DNHD1: variants seen among roughly 807,000 people sequenced by gnomAD.
DNHD1 encodes dynein heavy chain domain 1, also known as dynein heavy chain domain-containing protein 1.
A neutral mutation model predicts 458.1 loss-of-function variants in DNHD1; 383 were observed. The ratio of observed to expected loss-of-function variants is 0.84; its 90% CI spans 0.77 to 0.91. DNHD1 has a LOEUF of 0.91. Ranked by LOEUF, DNHD1 falls within the 40% of genes least tolerant of loss-of-function variation. DNHD1 has a pLI of 0.00. For missense variants in DNHD1, 5,336 were observed against 5,866.1 expected (o/e 0.91, Z 2.95); for synonymous variants, 2,203 against 2,376.9 (o/e 0.93, Z 2.13).
intron 41 of DNHD1, 73 bp downstream of exon 41, chr11:6,570,469 G>A: frequency 6.6e-7 from 1 of 1,512,596 alleles, no homozygotes; most frequent in Non-Finnish European, 8.9e-7. Flanking sequence ...CAGAAATGTG[G>A]ACAGCAGTCT....
At chr11:6,527,222 A>G (rs943239442) in intron 10 of DNHD1, among the ~76,000 whole-genome samples, 4 of 152,138 alleles carry the variant, frequency 2.6e-5, no homozygotes, top group African/African-American at 7.2e-5. Context: ...TTTTTCTTAT[A>G]TGGAGCAGAG....
chr11:6,571,863 GC>G lies in DNHD1; in HGVS notation c.14143del (p.Gly4716AlafsTer11), dbSNP rs768104019. ...ACTCGTGTCCTGTGTACATGGGAGG[GC>G]CCCTTGGCACCGCTAAGCTGCAGAG... The part of the protein sequence containing the change: ...VYSCPVYMGG[P>X]LGTAKLQSRN... On this transcript the variant is annotated frameshift_variant, in exon 43 of 43. Transcript: ENST00000254579. LOFTEE classifies it high-confidence loss of function. This position sits in a 1 kb window ranked among gnomAD's most constrained non-coding sequence, Gnocchi z 5.0. The G allele has an allele frequency of 1.2e-6, 2 of 1,614,012 alleles. No individual in the cohort carries two copies. Among genetic ancestry groups the G allele is most frequent in the Admixed American group, 3.3e-5 (2 of 60,022 alleles).
intron 16 of DNHD1, 51 bp from the exon 17 acceptor site, chr11:6,539,168 G>T: frequency 7.8e-7 from 1 of 1,276,110 alleles, no homozygotes; most frequent in Non-Finnish European, 1.1e-6. Flanking sequence ...GATATGGGTT[G>T]GACTCTGCCA....
chr11:6,513,315 G>T (rs886339614), intron 7 of DNHD1, among the ~76,000 whole-genome samples: 1 of 152,050 alleles, frequency 6.6e-6, no homozygotes, highest in Admixed American at 6.5e-5. Flanking sequence ...TGTATACCTG[G>T]ATCACGATAG....
At chr11:6,535,275 G>A (rs1288576755) in intron 14 of DNHD1, among the ~76,000 whole-genome samples, 1 of 152,136 alleles carries the variant, frequency 6.6e-6, no homozygotes, top group Non-Finnish European at 1.5e-5. Context: ...ACATGTATAC[G>A]CATGTAACTG....
At position 6,557,321 on chromosome 11, in the gene DNHD1, G is replaced by A. The variant is rs1853486437; in HGVS notation, c.8026G>A (p.Ala2676Thr). ...CTGTGCCAAGCTGCTCCTAGTAGTAGCTCAAAGTGTCTTCTGCTGTGGGCC... is the reference window on the plus strand; with the variant it reads ...CTGTGCCAAGCTGCTCCTAGTAGTAACTCAAAGTGTCTTCTGCTGTGGGCC... Reference protein sequence around the residue: ...SYCAKLLLVVAQSVFCCGPGP... With the variant: ...SYCAKLLLVVTQSVFCCGPGP... The change falls in exon 25 of 43, where the codon GCT (alanine) becomes ACT (threonine). Residue 2676 changes from alanine to threonine, a missense_variant. This residue lies in a region of DNHD1 where 3,932 missense variants were observed against 4,365.6 expected (regional missense o/e 0.90). Coordinates refer to ENST00000254579, the MANE Select transcript of DNHD1 (RefSeq NM_144666.3). 3 of 1,551,496 alleles carry A rather than the reference G, an allele frequency of 1.9e-6. No homozygotes were observed. In the South Asian group the frequency reaches 3.6e-5, roughly 18 times the overall value.
Position 6,557,319 on chromosome 11 carries a change from T to C in DNHD1, c.8024T>C (p.Val2675Ala), listed in dbSNP as rs1564820248. The C allele has an allele frequency of 6.4e-7, 1 of 1,551,602 alleles. No homozygotes were observed. Among genetic ancestry groups the C allele is most frequent in the Admixed American group, 2.0e-5 (1 of 51,010 alleles). Reference sequence around the variant, plus strand: ...TACTGTGCCAAGCTGCTCCTAGTAGTAGCTCAAAGTGTCTTCTGCTGTGGG... The same window carrying C: ...TACTGTGCCAAGCTGCTCCTAGTAGCAGCTCAAAGTGTCTTCTGCTGTGGG... Reference protein sequence around the residue: ...RSYCAKLLLVVAQSVFCCGPG... With the variant: ...RSYCAKLLLVAAQSVFCCGPG... Residue 2675 changes from valine (V) to alanine (A), a missense_variant, in exon 25 of 43, where the codon GTA becomes GCA. Val to Ala is a moderately conservative substitution (Grantham distance 64). Around this residue, in one of 4 missense-constraint regions of DNHD1, gnomAD observed 3,932 missense variants for 4,365.6 expected, o/e 0.90. Coordinates refer to ENST00000254579, the MANE Select transcript of DNHD1 (RefSeq NM_144666.3).
At chr11:6,499,269 G>A (rs1852091001) in intron 3 of DNHD1, among the ~76,000 whole-genome samples, 2 of 152,162 alleles carry the variant, frequency 1.3e-5, no homozygotes, top group Non-Finnish European at 2.9e-5. Flanking sequence ...TTTCTTAGAT[G>A]ATGTCAGAAG....
chr11:6,511,352 G>A lies in DNHD1; in HGVS notation c.1315G>A (p.Ala439Thr). The change falls in exon 7 of 43, where the codon GCT (alanine) becomes ACT (threonine). Residue 439 changes from alanine (A) to threonine (T), a missense_variant. Ala to Thr is a moderately conservative substitution (Grantham distance 58). Transcript: ENST00000254579. ...CTATGAGCTGCTGGACCTGCAGACGGCTCTAGCCGAGGAGAAGCATAAGGC... is the reference window on the plus strand; with the variant it reads ...CTATGAGCTGCTGGACCTGCAGACGACTCTAGCCGAGGAGAAGCATAAGGC... The part of the protein sequence containing the change: ...RCYELLDLQT[A>T]LAEEKHKALR... 1.2e-6 allele frequency: 2 copies of A among 1,614,198 alleles called. No individual in the cohort carries two copies. The highest frequency in any genetic ancestry group is 2.2e-5 in the South Asian group (2 of 91,088).
At chr11:6,532,911 G>A in intron 12 of DNHD1, 116 bp from the exon 13 acceptor site, 1 of 949,768 alleles carries the variant, frequency 1.1e-6, no homozygotes, top group Non-Finnish European at 1.6e-6. Flanking sequence ...AGCATTAAAT[G>A]AGATAATTCA....
chr11:6,559,007 C>T lies in DNHD1; in HGVS notation c.9317C>T (p.Ala3106Val), dbSNP rs752722638. ...ATHYHEHLCP[A>V]LPLVTPKTFL... ...CACTACCATGAGCACCTGTGCCCTGCATTGCCACTCGTCACCCCCAAGACC... is the reference window on the plus strand; with the variant it reads ...CACTACCATGAGCACCTGTGCCCTGTATTGCCACTCGTCACCCCCAAGACC... The change falls in exon 27 of 43, where the codon GCA (alanine) becomes GTA (valine). Residue 3106 changes from alanine (A) to valine (V), a missense_variant. Ala to Val is a moderately conservative substitution (Grantham distance 64, BLOSUM62 0). Around this residue, in one of 4 missense-constraint regions of DNHD1, gnomAD observed 3,932 missense variants for 4,365.6 expected, o/e 0.90. Coordinates refer to ENST00000254579, the MANE Select transcript of DNHD1 (RefSeq NM_144666.3). The T allele has an allele frequency of 6.4e-7, 1 of 1,551,738 alleles. No individual in the cohort carries two copies. The highest frequency in any genetic ancestry group is 8.7e-7 in the Non-Finnish European group (1 of 1,146,990).
At chr11:6,570,555 C>G in intron 41 of DNHD1, 63 bp from the exon 42 acceptor site, 1 of 1,501,044 alleles carries the variant, frequency 6.7e-7, no homozygotes, top group Non-Finnish European at 8.9e-7. Flanking sequence ...GGAAGGCCTA[C>G]TCTCTCGAGT....
chr11:6,548,866 T>C lies in DNHD1; in HGVS notation c.7320T>C (p.Pro2440=), dbSNP rs1853277469. The C allele has an allele frequency of 3.2e-6, 5 of 1,551,592 alleles. No individual in the cohort carries two copies. The Admixed American group carries it at 5.9e-5, about 18-fold the overall frequency. The change falls in exon 24 of 43, where the codon CCT becomes CCC. Residue 2440 remains proline (P), a synonymous_variant. Transcript: ENST00000254579. This position sits in a 1 kb window ranked among gnomAD's most constrained non-coding sequence, Gnocchi z 4.4. Reference sequence around the variant, plus strand: ...GCCAAACACAAGCCAGCCCACAGCCTGGGCATCACCAGGATTCTAAACCCT... The same window carrying C: ...GCCAAACACAAGCCAGCCCACAGCCCGGGCATCACCAGGATTCTAAACCCT... The part of the protein sequence containing the change: ...IQGQTQASPQ[P]GHHQDSKPSL...
Position 6,511,379 on chromosome 11 carries a change from C to G in DNHD1, c.1342C>G (p.Leu448Val), listed in dbSNP as rs1852332900. The change falls in exon 7 of 43, where the codon CTA (leucine) becomes GTA (valine). Residue 448 changes from leucine (L) to valine (V), a missense_variant. Physicochemically the swap from Leu to Val is conservative, Grantham distance 32. This residue lies in a region of DNHD1 where 3,932 missense variants were observed against 4,365.6 expected (regional missense o/e 0.90). Coordinates refer to ENST00000254579, the MANE Select transcript of DNHD1 (RefSeq NM_144666.3). ...TCTAGCCGAGGAGAAGCATAAGGCTCTACGGCTGCTCCATCGTTGCCTAAA... is the reference window on the plus strand; with the variant it reads ...TCTAGCCGAGGAGAAGCATAAGGCTGTACGGCTGCTCCATCGTTGCCTAAA... Reference protein sequence around the residue: ...TALAEEKHKALRLLHRCLNLC... With the variant: ...TALAEEKHKAVRLLHRCLNLC... 1 of 1,614,246 alleles carries G rather than the reference C, an allele frequency of 6.2e-7. No individual in the cohort carries two copies. The highest frequency in any genetic ancestry group is 8.5e-7 in the Non-Finnish European group (1 of 1,180,040).
At chr11:6,512,221 T>C (rs1300188281) in intron 7 of DNHD1, among the ~76,000 whole-genome samples, 2 of 125,784 alleles carry the variant, frequency 1.6e-5, no homozygotes, top group African/African-American at 6.8e-5. Context: ...CTTTTTTTTT[T>C]TTTTTTTTTT....
intron 7 of DNHD1, among the ~76,000 whole-genome samples, chr11:6,512,449 C>T (rs1852363699): frequency 6.6e-6 from 1 of 151,712 alleles, no homozygotes; most frequent in South Asian, 2.1e-4. Context: ...GTCTTGATCT[C>T]CTGACCTTGT....
intron 28 of DNHD1, among the ~76,000 whole-genome samples, chr11:6,561,074 A>G (rs953388273): frequency 2.6e-5 from 4 of 152,218 alleles, no homozygotes; most frequent in African/African-American, 9.7e-5. Flanking sequence ...TGAGGATTAA[A>G]CAAGATCTTA....
chr11:6,530,427 C>T (rs374064900), intron 12 of DNHD1, among the ~76,000 whole-genome samples: 54 of 152,160 alleles, frequency 3.5e-4, no homozygotes, highest in African/African-American at 1.3e-3. Flanking sequence ...AGGAGTTCGC[C>T]ACAGAGAGGC....
intron 14 of DNHD1, among the ~76,000 whole-genome samples, chr11:6,537,708 G>A (rs769032276): frequency 2.3e-4 from 35 of 152,122 alleles, no homozygotes; most frequent in Non-Finnish European, 4.3e-4. Context: ...CGAGGCGGGC[G>A]GATCACGAGG....
Sources: gnomAD v4.1 joint callset for allele counts (sites outside exome capture counted in the v4.1 genomes callset) on GRCh38, gnomAD v4.1.1 for gene constraint, gnomAD v4.1.1 regional missense constraint, Gnocchi (gnomAD v3.1) non-coding constraint, MANE v1.5 for transcripts, NCBI Gene and HGNC (gene_info 2026-07-23, HGNC 2026-07-21) for gene names.